The following PLCZ1 variants were observed in gnomAD, a reference collection of about 807,000 sequenced individuals.
The protein encoded by PLCZ1 is 1-phosphatidylinositol 4,5-bisphosphate phosphodiesterase zeta-1.
In PLCZ1, 64 loss-of-function variants were observed where a neutral mutation model predicts 76.8. That is an observed-to-expected ratio of 0.83 (90% CI 0.68 to 1.03). The LOEUF (loss-of-function observed/expected upper bound fraction) is 1.03. Among genes scored for constraint, PLCZ1 ranks in the 50% least tolerant of loss-of-function variants. The pLI is 0.00. For missense variants in PLCZ1, 751 were observed against 713.7 expected, an observed-to-expected ratio of 1.05 and a Z score of -0.60; for synonymous variants, 248 against 230.8, an observed-to-expected ratio of 1.07 and a Z score of -0.68.
chr12:18,729,487 T>G (rs1336248545), intron 3 of PLCZ1, among the ~76,000 whole-genome samples: 1 of 152,056 alleles, frequency 6.6e-6, no homozygotes, highest in Non-Finnish European at 1.5e-5. Context: ...AGTTCACAGT[T>G]TCCTACAGAG....
intron 10 of PLCZ1, 74 bp from the exon 11 acceptor site, chr12:18,696,340 ATATATATAT>A (rs1955016893): frequency 7.7e-6 from 2 of 261,000 alleles, no homozygotes; most frequent in South Asian, 1.6e-4. Flanking sequence ...ATATATATAT[ATATATATAT>A]ATCATATAAT....
chr12:18,675,481 A>G, the PLCZ1 span, among the ~76,000 whole-genome samples: 1 of 152,216 alleles, frequency 6.6e-6, no homozygotes, highest in Non-Finnish European at 1.5e-5. Context: ...CAGAACTAAA[A>G]GCAGAACAAC....
chr12:18,695,002 A>T lies in PLCZ1; in HGVS notation c.1369T>A (p.Tyr457Asn). 6.2e-7 allele frequency: 1 copy of T among 1,611,328 alleles called. No homozygotes were observed. The change falls in exon 12 of 15, where the codon TAT becomes AAT. Residue 457 changes from tyrosine to asparagine, a missense_variant. By Grantham distance (143) the Tyr-to-Asn change is moderately radical (BLOSUM62 -2). Coordinates refer to ENST00000266505, the MANE Select transcript of PLCZ1 (RefSeq NM_033123.4). The part of the protein sequence containing the change: ...GKFLDNGGSG[Y>N]ILKPHFLRES... ...CTTAAGAAATGTGGTTTCAAAATAT[A>T]TCCAGAACCACCATTATCCAAAAAT... is the stretch of plus-strand genomic sequence containing the variant.
the PLCZ1 span, among the ~76,000 whole-genome samples, chr12:18,647,676 C>T: frequency 6.6e-6 from 1 of 151,920 alleles, no homozygotes; most frequent in Non-Finnish European, 1.5e-5. Flanking sequence ...ACAAAAATAG[C>T]CTGTCATTAA....
intron 12 of PLCZ1, among the ~76,000 whole-genome samples, chr12:18,688,664 A>G (rs1953564681): frequency 1.3e-5 from 2 of 151,992 alleles, no homozygotes; most frequent in African/African-American, 4.8e-5. Flanking sequence ...TCACAAAATC[A>G]GTTATTTCAT....
rs1955643796 is a variant in PLCZ1, at chr12:18,699,802, T to C, written c.1166A>G (p.Lys389Arg). ...GAGTCACAAAAATTTACCTCGCAATTTTGAAAGTTTTCGGGCTTGTGTCTC... is the reference window on the plus strand; with the variant it reads ...GAGTCACAAAAATTTACCTCGCAATCTTGAAAGTTTTCGGGCTTGTGTCTC... Reference protein sequence around the residue: ...IGETQARKLSKLRVHEFIFHT... With the variant: ...IGETQARKLSRLRVHEFIFHT... The change falls in exon 10 of 15, where the codon AAA (lysine) becomes AGA (arginine). Residue 389 changes from lysine (K) to arginine (R), a missense_variant. Lys to Arg is a conservative substitution (Grantham distance 26). Transcript: ENST00000266505. 1 of 1,613,408 alleles carries C rather than the reference T, an allele frequency of 6.2e-7. No individual in the cohort carries two copies.
intron 6 of PLCZ1, among the ~76,000 whole-genome samples, chr12:18,706,837 TACA>T (rs949996002): frequency 2.0e-5 from 3 of 152,170 alleles, no homozygotes; most frequent in South Asian, 2.1e-4. Flanking sequence ...CTTGGTGGCT[TACA>T]ACAACAACAT....
intron 7 of PLCZ1, among the ~76,000 whole-genome samples, chr12:18,702,086 ATACT>A (rs1434777091): frequency 6.6e-6 from 1 of 152,142 alleles, no homozygotes; most frequent in Non-Finnish European, 1.5e-5. Context: ...ATATATATAA[ATACT>A]TACCATGATA....
At chr12:18,669,613 G>C in the PLCZ1 span, among the ~76,000 whole-genome samples, 9 of 151,954 alleles carry the variant, frequency 5.9e-5, no homozygotes, top group Non-Finnish European at 1.0e-4. Context: ...AGTTGCCTTT[G>C]CAGCTGAATC....
At chr12:18,717,228 TTC>T (rs1269701162) in intron 5 of PLCZ1, among the ~76,000 whole-genome samples, 1 of 152,120 alleles carries the variant, frequency 6.6e-6, no homozygotes, top group Non-Finnish European at 1.5e-5. Flanking sequence ...TATTTATATT[TTC>T]TCTCTTAAAA....
At chr12:18,658,145 T>C in the PLCZ1 span, among the ~76,000 whole-genome samples, 1 of 152,054 alleles carries the variant, frequency 6.6e-6, no homozygotes, top group Non-Finnish European at 1.5e-5. Context: ...GATTTCCTAA[T>C]CTGAGGAACA....
the PLCZ1 span, among the ~76,000 whole-genome samples, chr12:18,647,623 G>A: frequency 2.0e-5 from 3 of 151,876 alleles, no homozygotes; most frequent in Non-Finnish European, 4.4e-5. Context: ...GCTAAATATA[G>A]AGTGGGTAAT....
At chr12:18,701,855 C>G (rs1257097275) in intron 7 of PLCZ1, 79 bp from the exon 8 acceptor site, 1 of 1,527,030 alleles carries the variant, frequency 6.5e-7, no homozygotes, top group South Asian at 1.2e-5. Context: ...AAGTGTTTCA[C>G]TATATTTCCA....
chr12:18,710,831 G>A (rs1373303525), intron 6 of PLCZ1, among the ~76,000 whole-genome samples: 4 of 152,160 alleles, frequency 2.6e-5, no homozygotes, highest in Non-Finnish European at 5.9e-5. Flanking sequence ...AAACCACAAT[G>A]AGATGCAATC....
rs769302749 is a variant in PLCZ1, at chr12:18,696,247, G to A, written c.1194C>T (p.His398=). 33 of 1,580,738 alleles carry A rather than the reference G, an allele frequency of 2.1e-5. No homozygotes were observed. The highest frequency in any genetic ancestry group is 2.7e-5 in the Non-Finnish European group (31 of 1,158,218). The change falls in exon 11 of 15, where the codon CAC becomes CAT. Residue 398 remains histidine (H), a synonymous_variant. Transcript: ENST00000266505. ...ATATTCTGGTAATGAACTTCCTGGT[G>A]TGAAAAATAAACTCATGGACTGAAA... ...SKLRVHEFIF[H]TRKFITRIYP... is the part of the protein sequence containing the mutation.
chr12:18,662,426 T>C, the PLCZ1 span, among the ~76,000 whole-genome samples: 39 of 151,768 alleles, frequency 2.6e-4, no homozygotes, highest in African/African-American at 9.2e-4. Flanking sequence ...TGAGGAAATT[T>C]ATGACCCTAG....
chr12:18,727,533 A>G (rs148957276), intron 3 of PLCZ1, among the ~76,000 whole-genome samples: 280 of 152,254 alleles, frequency 1.8e-3, no homozygotes, highest in Middle Eastern at 3.4e-3. Flanking sequence ...GGCTAATTCT[A>G]TTTGTTAAGA....
chr12:18,736,420 T>C (rs1959258197), intron 2 of PLCZ1, 76 bp from the exon 3 acceptor site: 4 of 1,433,276 alleles, frequency 2.8e-6, no homozygotes, highest in Non-Finnish European at 3.8e-6. Flanking sequence ...AAACATTTGA[T>C]TTACTGTATT....
chr12:18,692,231 G>T lies in PLCZ1; in HGVS notation c.1461+2679C>A, dbSNP rs148039322. ...CAAAATTCCAGGTAGGATCTGAGAT[G>T]GTTTATACAGTTCTAGGAGTAACTA... On this transcript the variant is annotated intron_variant, in intron 12 of 14. Transcript: ENST00000266505. 6.9e-3 allele frequency among the ~76,000 whole-genome samples: 1,056 copies of T among 152,186 alleles called. 12 individuals are homozygous for T. The highest frequency in any genetic ancestry group is 0.024 in the African/African-American group (992 of 41,524).
Sources: gnomAD v4.1 joint callset for allele counts (sites outside exome capture counted in the v4.1 genomes callset) on GRCh38, gnomAD v4.1.1 for gene constraint, MANE v1.5 for transcripts, NCBI Gene and HGNC (gene_info 2026-07-23, HGNC 2026-07-21) for gene names.